Variants in ZBTB38 observed in about 807,000 individuals in gnomAD.
The protein encoded by ZBTB38 is zinc finger and BTB domain containing 38.
A neutral mutation model predicts 76.8 loss-of-function variants in ZBTB38; 20 were observed. That is an observed-to-expected ratio of 0.26 (90% CI 0.18 to 0.38). ZBTB38 has a LOEUF of 0.38. ZBTB38 is among the 10% of genes least tolerant of loss of function. The pLI, the probability that ZBTB38 is intolerant of heterozygous loss-of-function variation, is 1.00. For synonymous variants in ZBTB38, 504 were observed against 544.2 expected (o/e 0.93, Z 1.03); for missense variants, 1,082 against 1,482.3 (o/e 0.73, Z 4.43).
intron 1 of ZBTB38, among the ~76,000 whole-genome samples, chr3:141,350,440 C>A (rs180800856): frequency 6.6e-6 from 1 of 152,290 alleles, no homozygotes; most frequent in African/African-American, 2.4e-5. Context: ...TTTTATCCCT[C>A]AAGTTTATTC....
chr3:141,340,380 A>T (rs1320610645), intron 1 of ZBTB38, among the ~76,000 whole-genome samples: 2 of 152,216 alleles, frequency 1.3e-5, no homozygotes, highest in Non-Finnish European at 2.9e-5. Context: ...GATTCAATTG[A>T]ATTCAATAAC....
chr3:141,445,271 C>T lies in ZBTB38; in HGVS notation c.2883C>T (p.Ala961=), dbSNP rs761362388. Residue 961 remains alanine (A), a synonymous_variant, in exon 6 of 6, where the codon GCC becomes GCT. Coordinates refer to ENST00000321464, the MANE Select transcript of ZBTB38 (RefSeq NM_001376113.1). This position sits in a 1 kb window ranked among gnomAD's most constrained non-coding sequence, Gnocchi z 6.5. The part of the protein sequence containing the change: ...KCKYPAELDC[A]VGKAPQDKPF... ...AATACCCAGCAGAACTGGATTGCGC[C>T]GTGGGGAAGGCTCCTCAGGATAAAC... 8 of 1,614,014 alleles carry T rather than the reference C, an allele frequency of 5.0e-6. No individual in the cohort carries two copies. The highest frequency in any genetic ancestry group is 1.6e-4 in the Middle Eastern group (1 of 6,084).
chr3:141,416,099 G>A (rs557199226), intron 5 of ZBTB38, among the ~76,000 whole-genome samples: 20 of 152,248 alleles, frequency 1.3e-4, no homozygotes, highest in Non-Finnish European at 1.3e-4. Flanking sequence ...GGCATTGCCT[G>A]CTCCTGAGAA....
chr3:141,416,324 T>A (rs932365017), intron 5 of ZBTB38, among the ~76,000 whole-genome samples: 8 of 152,194 alleles, frequency 5.3e-5, no homozygotes, highest in Non-Finnish European at 2.9e-5. Flanking sequence ...TGGCTTTTTG[T>A]GAATTTATGG....
At chr3:141,404,481 C>T (rs543441077) in intron 5 of ZBTB38, among the ~76,000 whole-genome samples, 1 of 152,076 alleles carries the variant, frequency 6.6e-6, no homozygotes, top group Non-Finnish European at 1.5e-5. Flanking sequence ...CTGCTAGGCA[C>T]CGAGTATACA....
intron 1 of ZBTB38, among the ~76,000 whole-genome samples, chr3:141,339,560 G>A (rs1943110635): frequency 6.6e-6 from 1 of 152,190 alleles, no homozygotes. Flanking sequence ...TTGAATTTGT[G>A]TGTGTTTCGA....
At chr3:141,402,091 TTG>T (rs975272638) in intron 4 of ZBTB38, among the ~76,000 whole-genome samples, 1 of 152,178 alleles carries the variant, frequency 6.6e-6, no homozygotes, top group Non-Finnish European at 1.5e-5. Flanking sequence ...AGGTTCTGAA[TTG>T]TGTCCTCCCT....
intron 2 of ZBTB38, among the ~76,000 whole-genome samples, chr3:141,373,803 A>T (rs56259972): frequency 0.029 from 4,429 of 152,318 alleles, 68 homozygotes; most frequent in African/African-American, 0.043. Flanking sequence ...GCAAAATGAT[A>T]TGGGCAACTT....
At chr3:141,372,519 G>T (rs1944775910) in intron 2 of ZBTB38, among the ~76,000 whole-genome samples, 1 of 151,984 alleles carries the variant, frequency 6.6e-6, no homozygotes, top group East Asian at 1.9e-4. Context: ...GAGCAGGGTG[G>T]CGCACACCTA....
chr3:141,437,327 A>G (rs1024188280), intron 5 of ZBTB38, among the ~76,000 whole-genome samples: 1 of 152,144 alleles, frequency 6.6e-6, no homozygotes, highest in Non-Finnish European at 1.5e-5. Context: ...AGGATCCAGT[A>G]CATACCACGT....
chr3:141,448,133 TTTTGA>T lies in ZBTB38; in HGVS notation c.*2163_*2167del, dbSNP rs1380776943. 1.3e-5 allele frequency: 2 copies of T among 152,630 alleles called. No individual in the cohort carries two copies. Among genetic ancestry groups the T allele is most frequent in the East Asian group, 3.9e-4 (2 of 5,192 alleles). The allele number at this position is 152,630 out of a possible 1,614,324, so 9.5% of individuals were successfully genotyped here. A position where few individuals can be genotyped will look rare whatever the true frequency, so the allele number is the denominator to read the frequency against. On this transcript the variant is annotated 3_prime_UTR_variant, in exon 6 of 6. Coordinates refer to ENST00000321464, the MANE Select transcript of ZBTB38 (RefSeq NM_001376113.1). ...AGACATTTACTGTATATTCTAGTCA[TTTTGA>T]TTTGAGTTAACCCCAAATATAAAAT...
At chr3:141,435,702 G>A (rs2078623227) in intron 5 of ZBTB38, among the ~76,000 whole-genome samples, 1 of 151,764 alleles carries the variant, frequency 6.6e-6, no homozygotes, top group Non-Finnish European at 1.5e-5. Flanking sequence ...GGAGGTTGTA[G>A]TGAGCCAAGA....
Position 141,446,083 on chromosome 3 carries a change from T to TAAAA in ZBTB38, c.*118_*121dup. 3 of 701,032 alleles carry TAAAA rather than the reference T, an allele frequency of 4.3e-6. No individual in the cohort carries two copies. The highest frequency in any genetic ancestry group is 6.0e-6 in the Non-Finnish European group (3 of 499,420). 43.4% of individuals were successfully genotyped at this position (701,032 alleles called of 1,614,324 possible). On this transcript the variant is annotated 3_prime_UTR_variant, in exon 6 of 6. Transcript: ENST00000321464. ...TGTGACAGTCATGAAGGAGTGAAAT[T>TAAAA]AAAAAAAAAAAAAACTCATTTGTGA...
intron 4 of ZBTB38, chr3:141,394,146 G>C (rs1437893144): frequency 6.6e-6 from 1 of 152,136 alleles, no homozygotes; most frequent in Non-Finnish European, 1.5e-5. Context: ...GAGTAGCTGG[G>C]ACTACAGGCA....
At chr3:141,428,397 C>T (rs1341197904) in intron 5 of ZBTB38, among the ~76,000 whole-genome samples, 1 of 152,202 alleles carries the variant, frequency 6.6e-6, no homozygotes, top group African/African-American at 2.4e-5. Context: ...GGCTCAGTTA[C>T]CACATCTGTA....
At chr3:141,373,994 G>C (rs1414824454) in intron 2 of ZBTB38, among the ~76,000 whole-genome samples, 1 of 152,120 alleles carries the variant, frequency 6.6e-6, no homozygotes. Context: ...GCTGGGCTTG[G>C]TGGCACATGC....
intron 4 of ZBTB38, among the ~76,000 whole-genome samples, chr3:141,394,815 C>T (rs1176888906): frequency 6.6e-6 from 1 of 152,218 alleles, no homozygotes; most frequent in Non-Finnish European, 1.5e-5. Context: ...ATCTGAACTA[C>T]ACGTTTCTGT....
intron 4 of ZBTB38, among the ~76,000 whole-genome samples, chr3:141,401,498 A>G (rs1951928668): frequency 6.6e-6 from 1 of 152,198 alleles, no homozygotes; most frequent in Admixed American, 6.5e-5. Flanking sequence ...TCATCAAGTG[A>G]TCACATTCTT....
chr3:141,356,693 G>A (rs1576673895), intron 1 of ZBTB38, among the ~76,000 whole-genome samples: 1 of 151,452 alleles, frequency 6.6e-6, no homozygotes, highest in South Asian at 2.1e-4. Context: ...TGCTCTGGCT[G>A]TATCAGTCCA....
Sources: gnomAD v4.1 joint callset for allele counts (sites outside exome capture counted in the v4.1 genomes callset) on GRCh38, gnomAD v4.1.1 for gene constraint, Gnocchi (gnomAD v3.1) non-coding constraint, MANE v1.5 for transcripts, NCBI Gene and HGNC (gene_info 2026-07-23, HGNC 2026-07-21) for gene names.